Variants in SSC4D observed in about 807,000 individuals in gnomAD.
SSC4D encodes scavenger receptor cysteine rich family member with 4 domains, also known as scavenger receptor cysteine-rich domain-containing group B protein.
Under a neutral mutation model 63.4 loss-of-function variants are expected in SSC4D, and 57 were observed. The ratio of observed to expected loss-of-function variants is 0.90; its 90% confidence interval spans 0.73 to 1.12. SSC4D has a LOEUF of 1.12. Ranked by LOEUF, SSC4D falls within the 50% of genes most tolerant of loss-of-function variation. The pLI is 0.00. For synonymous variants in SSC4D, 352 were observed against 345.4 expected (o/e 1.02, Z -0.21); for missense variants, 791 against 806.4 (o/e 0.98, Z 0.23).
At chr7:76,398,301 C>G (rs983191584) in intron 5 of SSC4D, among the ~76,000 whole-genome samples, 12 of 146,012 alleles carry the variant, frequency 8.2e-5, no homozygotes, top group Non-Finnish European at 1.3e-4. Context: ...ACCGCCCATT[C>G]ATTTTCTATT....
chr7:76,404,262 G>A, intron 2 of SSC4D, 45 bp downstream of exon 2: 1 of 1,498,706 alleles, frequency 6.7e-7, no homozygotes, highest in South Asian at 1.3e-5. Flanking sequence ...GGACAACTGA[G>A]ATTCAGAAAG....
intron 1 of SSC4D, among the ~76,000 whole-genome samples, chr7:76,405,323 T>TTTTTCTTTC (rs1563687069): frequency 1.7e-4 from 5 of 29,170 alleles, no homozygotes; most frequent in Non-Finnish European, 2.9e-4. Context: ...ATATGTATTT[T>TTTTTCTTTC]TTTCTTTCTT....
chr7:76,401,032 G>A lies in SSC4D; in HGVS notation c.145C>T (p.Gln49Ter), dbSNP rs1214816845. 3.9e-6 allele frequency: 6 copies of A among 1,549,108 alleles called. No individual in the cohort carries two copies. Among genetic ancestry groups the A allele is most frequent in the East Asian group, 2.5e-5 (1 of 40,768 alleles). Residue 49 changes from glutamine to a stop codon, truncating the protein, a stop_gained, in exon 3 of 11, where the codon CAG (glutamine) becomes TAG (stop). Coordinates refer to ENST00000275560, the MANE Select transcript of SSC4D (RefSeq NM_080744.2). LOFTEE classifies it high-confidence loss of function. ...CCTTGAAAGGGCAGTGGAGTGGGCT[G>A]TAGGGCGCTGGCTGAAACAGAGTGA... ...LLLLPLASAL[Q>*]PTPLPFQELR...
At chr7:76,397,903 C>G in intron 5 of SSC4D, 71 bp from the exon 6 acceptor site, 1 of 1,415,634 alleles carries the variant, frequency 7.1e-7, no homozygotes, top group Non-Finnish European at 9.4e-7. Context: ...GCAAGGGCAG[C>G]CCGGTGTCCC....
Position 76,390,254 on chromosome 7 carries a change from GCACAGGACACCGGCTGCCCGCAGGT to G in SSC4D, c.1508_1532del (p.Asp503AlafsTer80). On this transcript the variant is annotated frameshift_variant, in exon 11 of 11. Transcript: ENST00000275560. LOFTEE classifies it high-confidence loss of function. Reference sequence around the variant, plus strand: ...GGGCCTGGCCACAGCCCAGCTGGCGGCACAGGACACCGGCTGCCCGCAGGTCCCAAGCATCATCACAGACAGTGCC... The same window carrying G: ...GGGCCTGGCCACAGCCCAGCTGGCGGCCCAAGCATCATCACAGACAGTGCC... 6.2e-7 allele frequency: 1 copy of G among 1,613,992 alleles called. No homozygotes were observed. The highest frequency in any genetic ancestry group is 8.5e-7 in the Non-Finnish European group (1 of 1,179,952).
At chr7:76,406,025 G>A (rs1027009344) in intron 1 of SSC4D, among the ~76,000 whole-genome samples, 8 of 147,520 alleles carry the variant, frequency 5.4e-5, no homozygotes, top group South Asian at 2.1e-4. Flanking sequence ...TCGCTCTGTC[G>A]TCCAGGCTGG....
intron 10 of SSC4D, among the ~76,000 whole-genome samples, chr7:76,390,957 A>AAAAAC (rs1373495935): frequency 2.6e-5 from 4 of 152,168 alleles, no homozygotes; most frequent in Admixed American, 2.0e-4. Context: ...CCCTGTCTCT[A>AAAAAC]AAAACAAAAC....
At position 76,390,121 on chromosome 7, in the gene SSC4D, G is replaced by A. The variant is rs756798829; in HGVS notation, c.1666C>T (p.Arg556Cys). The A allele has an allele frequency of 1.2e-5, 19 of 1,614,110 alleles. No individual in the cohort carries two copies. Among genetic ancestry groups the A allele is most frequent in the South Asian group, 3.3e-5 (3 of 91,092 alleles). The change falls in exon 11 of 11, where the codon CGC becomes TGC. Residue 556 changes from arginine to cysteine, a missense_variant. Coordinates refer to ENST00000275560, the MANE Select transcript of SSC4D (RefSeq NM_080744.2). Reference sequence around the variant, plus strand: ...TGGTCACAGTTGTGGGCATCCCAGCGGATATGAGAGCAGAGCAGCAGAGCA... The same window carrying A: ...TGGTCACAGTTGTGGGCATCCCAGCAGATATGAGAGCAGAGCAGCAGAGCA... The part of the protein sequence containing the change: ...ESALLLCSHI[R>C]WDAHNCDHSE...
chr7:76,390,247 G>T lies in SSC4D; in HGVS notation c.1540C>A (p.Leu514Met). ...GCTGCGAGGGCCTGGCCACAGCCCA[G>T]CTGGCGGCACAGGACACCGGCTGCC... ...LRAAGVLCRQ[L>M]GCGQALAAPG... The change falls in exon 11 of 11, where the codon CTG (leucine) becomes ATG (methionine). Residue 514 changes from leucine (L) to methionine (M), a missense_variant. Physicochemically the swap from Leu to Met is conservative, Grantham distance 15. Transcript: ENST00000275560. 6.2e-7 allele frequency: 1 copy of T among 1,614,000 alleles called. No homozygotes were observed. The highest frequency in any genetic ancestry group is 8.5e-7 in the Non-Finnish European group (1 of 1,179,960).
At chr7:76,395,438 T>G in intron 6 of SSC4D, 108 bp from the exon 7 acceptor site, 1 of 1,158,128 alleles carries the variant, frequency 8.6e-7, no homozygotes, top group Non-Finnish European at 1.3e-6. Context: ...AGAGAATAGA[T>G]GTTACTTCCA....
Position 76,389,956 on chromosome 7 carries a change from G to T in SSC4D, c.*103C>A. 6.8e-7 allele frequency: 1 copy of T among 1,479,956 alleles called. No individual in the cohort carries two copies. The highest frequency in any genetic ancestry group is 9.3e-7 in the Non-Finnish European group (1 of 1,077,100). The allele number at this position is 1,479,956 out of a possible 1,614,324, so 91.7% of individuals were successfully genotyped here. ...TAGGCTCTCTCCCAGGCAAGGGAAGGAGGGGCAAAGTGAACTGTAGTCATC... is the reference window on the plus strand; with the variant it reads ...TAGGCTCTCTCCCAGGCAAGGGAAGTAGGGGCAAAGTGAACTGTAGTCATC... On this transcript the variant is annotated 3_prime_UTR_variant, in exon 11 of 11. Coordinates refer to ENST00000275560, the MANE Select transcript of SSC4D (RefSeq NM_080744.2).
intron 8 of SSC4D, 52 bp from the exon 9 acceptor site, chr7:76,393,768 T>TG: frequency 3.7e-6 from 5 of 1,333,464 alleles, no homozygotes; most frequent in South Asian, 1.4e-5. Flanking sequence ...GGCTGCCGGC[T>TG]CCCGGCAGAG....
At position 76,397,648 on chromosome 7, in the gene SSC4D, A is replaced by G. The variant is rs1421314021; in HGVS notation, c.738T>C (p.Tyr246=). Residue 246 remains tyrosine (Y), a synonymous_variant, in exon 6 of 11, where the codon TAT becomes TAC. Coordinates refer to ENST00000275560, the MANE Select transcript of SSC4D (RefSeq NM_080744.2). ...MAATTNAFFG[Y]GTGHILLDNV... is the part of the protein sequence containing the mutation. ...TGTCCAGCAGGATGTGTCCGGTGCC[A>G]TAGCCGAAGAAGGCGTTGGTGGTGG... 6.2e-6 allele frequency: 10 copies of G among 1,613,648 alleles called. No homozygotes were observed. The highest frequency in any genetic ancestry group is 8.5e-6 in the Non-Finnish European group (10 of 1,179,878).
chr7:76,400,415 C>T lies in SSC4D; in HGVS notation c.346G>A (p.Gly116Ser), dbSNP rs1374487263. 6.2e-7 allele frequency: 1 copy of T among 1,605,114 alleles called. No individual in the cohort carries two copies. The highest frequency in any genetic ancestry group is 1.3e-5 in the African/African-American group (1 of 74,788). ...PVPRPLAFGQ[G>S]RGPILLDNVE... ...TTGTCCAGCAGGATGGGGCCTCGGC[C>T]TTGGCCAAAGGCAAGGGGCCGTGGC... Residue 116 changes from glycine to serine, a missense_variant, in exon 4 of 11, where the codon GGC (glycine) becomes AGC (serine). Transcript: ENST00000275560.
chr7:76,400,976 G>A (rs1420554556), intron 3 of SSC4D, 32 bp downstream of exon 3: 2 of 1,551,236 alleles, frequency 1.3e-6, no homozygotes, highest in Non-Finnish European at 1.7e-6. Context: ...GCGGACAGGT[G>A]AGGGTGAGGA....
intron 6 of SSC4D, among the ~76,000 whole-genome samples, chr7:76,396,112 A>G (rs1804632735): frequency 1.3e-5 from 2 of 152,242 alleles, no homozygotes; most frequent in Non-Finnish European, 2.9e-5. Flanking sequence ...AGCCCCTCTT[A>G]AAGTGAAAAA....
In SSC4D at chr7:76,397,620, C is replaced by G; in HGVS notation, c.766G>C (p.Val256Leu). 2 of 1,613,060 alleles carry G rather than the reference C, an allele frequency of 1.2e-6. No individual in the cohort carries two copies. The highest frequency in any genetic ancestry group is 1.7e-6 in the Non-Finnish European group (2 of 1,179,666). Residue 256 changes from valine (V) to leucine (L), a missense_variant, in exon 6 of 11, where the codon GTG (valine) becomes CTG (leucine). Physicochemically the swap from Val to Leu is conservative, Grantham distance 32. Coordinates refer to ENST00000275560, the MANE Select transcript of SSC4D (RefSeq NM_080744.2). Reference sequence around the variant, plus strand: ...CGGGGCTCGCCGCCTTCGCAGTGCACGTTGTCCAGCAGGATGTGTCCGGTG... The same window carrying G: ...CGGGGCTCGCCGCCTTCGCAGTGCAGGTTGTCCAGCAGGATGTGTCCGGTG... ...YGTGHILLDNVHCEGGEPRLA... is the reference protein window; with the variant it reads ...YGTGHILLDNLHCEGGEPRLA...
rs747376954 is a variant in SSC4D at position 76,393,371 on chromosome 7, C to CCGCTGTCAGCCTCACCTT, written c.1333+16_1333+33dup. ...CCCTCCCACGCCGCAGTGCGCGGCC[C>CCGCTGTCAGCCTCACCTT]CGCTGTCAGCCTCACCTTCGCTGTC... On this transcript the variant is annotated intron_variant, in intron 9 of 10. Coordinates refer to ENST00000275560, the MANE Select transcript of SSC4D (RefSeq NM_080744.2). The CCGCTGTCAGCCTCACCTT allele has an allele frequency of 1.1e-3, 1,538 of 1,337,676 alleles. 3 individuals carry two copies. Among genetic ancestry groups the CCGCTGTCAGCCTCACCTT allele is most frequent in the African/African-American group, 1.3e-3 (88 of 65,728 alleles). 82.9% of individuals were successfully genotyped at this position (1,337,676 alleles called of 1,614,324 possible). A position where few individuals can be genotyped will look rare whatever the true frequency, so the allele number is the denominator to read the frequency against.
In SSC4D at chr7:76,393,406, T is replaced by C. The variant is rs765772984; in HGVS notation, c.1332A>G (p.Ala444=). ...CCTCACCTTCGCTGTCAGCCTCACC[T>C]GCGCAGAGCGCTCCCGCGTCCTCGT... ...GHHEDAGALC[A]GPEELGLQVQ... is the part of the protein sequence containing the mutation. The change falls in exon 9 of 11, where the codon GCA becomes GCG. Residue 444 remains alanine (A), a splice_region_variant and synonymous_variant. Transcript: ENST00000275560. 4.9e-6 allele frequency: 7 copies of C among 1,442,004 alleles called. No individual in the cohort carries two copies. The highest frequency in any genetic ancestry group is 6.4e-6 in the Non-Finnish European group (7 of 1,099,324). The allele number at this position is 1,442,004 out of a possible 1,614,324, so 89.3% of individuals were successfully genotyped here.
Sources: gnomAD v4.1 joint callset for allele counts (sites outside exome capture counted in the v4.1 genomes callset) on GRCh38, gnomAD v4.1.1 for gene constraint, MANE v1.5 for transcripts, NCBI Gene and HGNC (gene_info 2026-07-23, HGNC 2026-07-21) for gene names.